The following GLIS3 variants were observed in gnomAD, a reference collection of about 807,000 sequenced individuals.
GLIS3 encodes zinc finger protein GLIS3.
GLIS3 carries 53 observed loss-of-function variants against 78.6 expected under a neutral mutation model. The observed-to-expected ratio is 0.67, with a 90% CI of 0.54 to 0.85. The LOEUF (loss-of-function observed/expected upper bound fraction) is 0.85. Ranked by LOEUF, GLIS3 falls within the 40% of genes least tolerant of loss-of-function variation. GLIS3 has a pLI of 0.00. For synonymous variants in GLIS3, 684 were observed against 509.9 expected, an observed-to-expected ratio of 1.34 and a Z score of -4.60; for missense variants, 1,703 against 1,231.1, an observed-to-expected ratio of 1.38 and a Z score of -5.74.
chr9:4,386,326 T>G, the GLIS3 span: 1 of 152,238 alleles, frequency 6.6e-6, no homozygotes, highest in South Asian at 2.1e-4. Flanking sequence ...ATCTTTTGTG[T>G]GTAGCCAGGA....
chr9:4,339,913 G>T (rs550214229), intron 2 of GLIS3, among the ~76,000 whole-genome samples: 44 of 144,230 alleles, frequency 3.1e-4, no homozygotes, highest in Non-Finnish European at 5.6e-4. Context: ...AAAAGAGACA[G>T]AAAGGTAAAG....
At chr9:4,276,177 G>A (rs1307400382) in intron 2 of GLIS3, among the ~76,000 whole-genome samples, 1 of 151,068 alleles carries the variant, frequency 6.6e-6, no homozygotes, top group African/African-American at 2.4e-5. Context: ...CAGCTACTTG[G>A]GAGGCTGAGG....
At chr9:4,132,913 AG>A (rs1833084413) in intron 2 of GLIS3, among the ~76,000 whole-genome samples, 1 of 152,206 alleles carries the variant, frequency 6.6e-6, no homozygotes, top group Admixed American at 6.5e-5. Context: ...TCTGTGCCTC[AG>A]CGTACTGTTC....
intron 2 of GLIS3, among the ~76,000 whole-genome samples, chr9:4,219,070 G>T (rs1483416698): frequency 6.6e-6 from 1 of 152,196 alleles, no homozygotes; most frequent in African/African-American, 2.4e-5. Flanking sequence ...AGAACAGAAA[G>T]CAATGACTGA....
chr9:4,410,788 G>C, the GLIS3 span, among the ~76,000 whole-genome samples: 1 of 152,202 alleles, frequency 6.6e-6, no homozygotes, highest in Non-Finnish European at 1.5e-5. Flanking sequence ...GCCAGCCAAA[G>C]TTGTCCTTCT....
the GLIS3 span, among the ~76,000 whole-genome samples, chr9:4,416,968 G>T: frequency 6.6e-6 from 1 of 151,864 alleles, no homozygotes; most frequent in Non-Finnish European, 1.5e-5. Flanking sequence ...CCCCATTTAC[G>T]CTGACTGTGA....
chr9:4,173,141 T>G (rs1183303580), intron 2 of GLIS3, among the ~76,000 whole-genome samples: 1 of 152,136 alleles, frequency 6.6e-6, no homozygotes. Context: ...TTACCTTATC[T>G]TTAAATCTGG....
At chr9:4,454,633 A>C in the GLIS3 span, among the ~76,000 whole-genome samples, 1 of 152,060 alleles carries the variant, frequency 6.6e-6, no homozygotes, top group South Asian at 2.1e-4. Flanking sequence ...ATCTCCTCTT[A>C]TTTCAGTAAA....
At chr9:4,176,475 CTT>C (rs1444088378) in intron 2 of GLIS3, among the ~76,000 whole-genome samples, 1 of 152,022 alleles carries the variant, frequency 6.6e-6, no homozygotes, top group Non-Finnish European at 1.5e-5. Context: ...TATTTGTAGA[CTT>C]AATTTTAATA....
At chr9:3,838,925 C>T (rs1818541010) in intron 9 of GLIS3, among the ~76,000 whole-genome samples, 1 of 152,076 alleles carries the variant, frequency 6.6e-6, no homozygotes, top group African/African-American at 2.4e-5. Flanking sequence ...ACACAGATAA[C>T]GTTGCTGAAA....
intron 4 of GLIS3, among the ~76,000 whole-genome samples, chr9:4,106,457 C>T (rs1830759088): frequency 6.6e-6 from 1 of 152,212 alleles, no homozygotes; most frequent in African/African-American, 2.4e-5. Context: ...ATGATGTTTA[C>T]AATTTGTCAT....
chr9:3,969,394 A>C (rs1361984243), intron 4 of GLIS3, among the ~76,000 whole-genome samples: 1 of 152,224 alleles, frequency 6.6e-6, no homozygotes, highest in Non-Finnish European at 1.5e-5. Context: ...TCTCCAAAGA[A>C]GAAGAGGTCT....
At chr9:4,460,898 T>A in the GLIS3 span, among the ~76,000 whole-genome samples, 1 of 152,198 alleles carries the variant, frequency 6.6e-6, no homozygotes, top group African/African-American at 2.4e-5. Context: ...GGCTGTATGT[T>A]TGGTACTTAA....
chr9:4,120,642 C>A (rs921743262), intron 3 of GLIS3, among the ~76,000 whole-genome samples: 1 of 152,130 alleles, frequency 6.6e-6, no homozygotes, highest in African/African-American at 2.4e-5. Flanking sequence ...AATTAGTAGT[C>A]CTATCGTATA....
chr9:4,236,302 A>G (rs1354220802), intron 2 of GLIS3, among the ~76,000 whole-genome samples: 1 of 152,098 alleles, frequency 6.6e-6, no homozygotes. Context: ...CTCATGCCCT[A>G]AACATGTTTG....
At chr9:3,909,395 A>G (rs1279343831) in intron 6 of GLIS3, among the ~76,000 whole-genome samples, 1 of 152,234 alleles carries the variant, frequency 6.6e-6, no homozygotes, top group Non-Finnish European at 1.5e-5. Flanking sequence ...TCTGCTATCA[A>G]ATTCATTTCC....
chr9:4,286,352 C>T lies in GLIS3; in HGVS notation c.74G>A (p.Gly25Asp), dbSNP rs1282505257. ...GTPQGPRMVS[G>D]HHIPAIRAHS... ...GGCTCGGATGGCAGGAATGTGATGA[C>T]CACTGACCATCCTAGGCCCCTGTGG... The change falls in exon 2 of 11, where the codon GGT becomes GAT. Residue 25 changes from glycine to aspartate, a missense_variant. Gly to Asp is a moderately conservative substitution (Grantham distance 94). Coordinates refer to ENST00000381971, the MANE Select transcript of GLIS3 (RefSeq NM_001042413.2). 9.3e-6 allele frequency: 15 copies of T among 1,614,058 alleles called. No individual in the cohort carries two copies. The African/African-American group carries it at 1.2e-4, about 13-fold the overall frequency.
chr9:4,156,557 T>C (rs1835054619), intron 2 of GLIS3, among the ~76,000 whole-genome samples: 1 of 152,208 alleles, frequency 6.6e-6, no homozygotes, highest in Non-Finnish European at 1.5e-5. Flanking sequence ...AAAGTGTATT[T>C]GGTCTGAATG....
At chr9:4,376,431 TAA>T in the GLIS3 span, among the ~76,000 whole-genome samples, 11 of 77,750 alleles carry the variant, frequency 1.4e-4, no homozygotes, top group Non-Finnish European at 2.9e-4. Context: ...GCTCTCTTTC[TAA>T]ACACAAGAGC....
Sources: gnomAD v4.1 joint callset for allele counts (sites outside exome capture counted in the v4.1 genomes callset) on GRCh38, gnomAD v4.1.1 for gene constraint, MANE v1.5 for transcripts, NCBI Gene and HGNC (gene_info 2026-07-23, HGNC 2026-07-21) for gene names.